The following MMP26 variants were observed in gnomAD, a reference collection of about 807,000 sequenced individuals.
The protein encoded by MMP26 is matrix metalloproteinase-26.
A neutral mutation model predicts 31.0 loss-of-function variants in MMP26; 33 were observed. That is an observed-to-expected ratio of 1.06 (90% CI 0.81 to 1.42). The LOEUF (loss-of-function observed/expected upper bound fraction) is 1.42. MMP26 is among the 40% of genes most tolerant of loss of function. The pLI, the probability that MMP26 is intolerant of heterozygous loss-of-function variation, is 0.00. For synonymous variants in MMP26, 122 were observed against 114.9 expected, an observed-to-expected ratio of 1.06 and a Z score of -0.40; for missense variants, 347 against 316.1, an observed-to-expected ratio of 1.10 and a Z score of -0.74.
chr11:4,774,714 C>G (rs1848768774), intron 2 of MMP26, among the ~76,000 whole-genome samples: 1 of 152,054 alleles, frequency 6.6e-6, no homozygotes, highest in African/African-American at 2.4e-5. Context: ...TGCCTATGTC[C>G]TGAATGGTAT....
intron 1 of MMP26, among the ~76,000 whole-genome samples, chr11:4,706,577 C>CAAAAAA (rs71050423): frequency 9.1e-5 from 8 of 87,544 alleles, no homozygotes; most frequent in South Asian, 4.6e-4. Flanking sequence ...GACCCTATCT[C>CAAAAAA]AAAAAAAAAA....
intron 2 of MMP26, among the ~76,000 whole-genome samples, chr11:4,802,485 G>T (rs1179363219): frequency 6.6e-6 from 1 of 152,094 alleles, no homozygotes; most frequent in Non-Finnish European, 1.5e-5. Context: ...AAGTCCTTGG[G>T]ACTGAGAGGT....
chr11:4,769,712 G>A (rs745967976), intron 2 of MMP26: 2 of 1,612,914 alleles, frequency 1.2e-6, no homozygotes, highest in South Asian at 2.2e-5. Flanking sequence ...ATCAGTGGCT[G>A]ATAGCCTGAA....
chr11:4,902,084 T>C (rs894147275), intron 2 of MMP26, among the ~76,000 whole-genome samples: 9 of 152,336 alleles, frequency 5.9e-5, no homozygotes, highest in Middle Eastern at 3.4e-3. Context: ...ATGACCCTTT[T>C]CGTTACACAC....
At chr11:4,886,119 G>A (rs552915014) in intron 2 of MMP26, among the ~76,000 whole-genome samples, 37 of 151,962 alleles carry the variant, frequency 2.4e-4, no homozygotes, top group Non-Finnish European at 3.2e-4. Flanking sequence ...TAACACTTCC[G>A]TAACCCTTGA....
At chr11:4,916,643 C>T (rs1163167787) in intron 2 of MMP26, among the ~76,000 whole-genome samples, 1 of 152,152 alleles carries the variant, frequency 6.6e-6, no homozygotes, top group Non-Finnish European at 1.5e-5. Flanking sequence ...AGAAGCTTAG[C>T]CTTGTCCAAG....
chr11:4,705,693 T>A (rs10836500), intron 1 of MMP26, among the ~76,000 whole-genome samples: 27,208 of 152,072 alleles, frequency 0.18, 2,678 homozygotes, highest in Middle Eastern at 0.27. Context: ...GAATTTTTTT[T>A]AAAAAGCTAT....
At chr11:4,710,450 C>T (rs566222102) in intron 1 of MMP26, 2 of 456,320 alleles carry the variant, frequency 4.4e-6, no homozygotes, top group African/African-American at 4.0e-5. Flanking sequence ...CCATAATCTA[C>T]AGTGTAAAGA....
intron 1 of MMP26, among the ~76,000 whole-genome samples, chr11:4,760,318 G>C (rs1459777533): frequency 6.6e-6 from 1 of 152,138 alleles, no homozygotes; most frequent in Non-Finnish European, 1.5e-5. Context: ...ATTTAAGATG[G>C]ATCCTTTATT....
intron 2 of MMP26, among the ~76,000 whole-genome samples, chr11:4,899,598 C>T (rs1850771920): frequency 6.6e-6 from 1 of 152,086 alleles, no homozygotes; most frequent in African/African-American, 2.4e-5. Context: ...CAGGATGGTA[C>T]CAAGAGACAA....
At chr11:4,851,187 T>A (rs1252108597) in intron 2 of MMP26, among the ~76,000 whole-genome samples, 1 of 152,214 alleles carries the variant, frequency 6.6e-6, no homozygotes, top group Non-Finnish European at 1.5e-5. Flanking sequence ...TTGCCTAGCA[T>A]TTTGGCAAGG....
At chr11:4,961,845 A>C (rs182393648) in intron 2 of MMP26, among the ~76,000 whole-genome samples, 4 of 152,298 alleles carry the variant, frequency 2.6e-5, no homozygotes, top group African/African-American at 9.6e-5. Context: ...TTCTGACCCA[A>C]ACTCATCTGA....
intron 2 of MMP26, among the ~76,000 whole-genome samples, chr11:4,841,687 C>T (rs1042638787): frequency 2.6e-5 from 4 of 152,184 alleles, no homozygotes; most frequent in African/African-American, 9.7e-5. Context: ...AATCCCAGCA[C>T]TTTGGGAGGC....
At chr11:4,900,811 C>G (rs1296799447) in intron 2 of MMP26, among the ~76,000 whole-genome samples, 2 of 152,152 alleles carry the variant, frequency 1.3e-5, no homozygotes, top group Non-Finnish European at 2.9e-5. Flanking sequence ...AGCCAAGTTA[C>G]CCACCATTAA....
At chr11:4,860,713 GA>G in intron 2 of MMP26, 1 of 317,808 alleles carries the variant, frequency 3.1e-6, no homozygotes, top group Non-Finnish European at 6.2e-6. Flanking sequence ...ACATTTAGAT[GA>G]TATTTGTAAC....
chr11:4,864,100 G>A (rs1850202233), intron 2 of MMP26, among the ~76,000 whole-genome samples: 1 of 152,112 alleles, frequency 6.6e-6, no homozygotes, highest in African/African-American at 2.4e-5. Context: ...ATGAAACAGA[G>A]CTGGAGTCTA....
At chr11:4,836,721 G>A (rs1330018872) in intron 2 of MMP26, among the ~76,000 whole-genome samples, 1 of 136,292 alleles carries the variant, frequency 7.3e-6, no homozygotes, top group East Asian at 2.1e-4. Flanking sequence ...ATGCAGTGGT[G>A]CAATCTCTGC....
rs146829053 is a variant in MMP26 at position 4,848,908 on chromosome 11, G to A, written c.-145+81567G>A. ...ATCTGTAGAAGGCAGGCTGAGGCAG[G>A]GACAGTGTGAGCACCAGCAAGGGCG... On this transcript the variant is annotated intron_variant, in intron 2 of 7. Coordinates refer to ENST00000380390, the MANE Select transcript of MMP26 (RefSeq NM_021801.5). 2,107 of 1,614,124 alleles carry A rather than the reference G, an allele frequency of 1.3e-3. 7 individuals are homozygous for A. Among genetic ancestry groups the A allele is most frequent in the Non-Finnish European group, 1.6e-3 (1,839 of 1,179,990 alleles).
At chr11:4,746,510 C>T (rs754183190) in intron 1 of MMP26, among the ~76,000 whole-genome samples, 3 of 152,016 alleles carry the variant, frequency 2.0e-5, no homozygotes, top group Non-Finnish European at 4.4e-5. Flanking sequence ...TTACAGTAGG[C>T]GCTAAATACA....
Sources: gnomAD v4.1 joint callset for allele counts (sites outside exome capture counted in the v4.1 genomes callset) on GRCh38, gnomAD v4.1.1 for gene constraint, MANE v1.5 for transcripts, NCBI Gene and HGNC (gene_info 2026-07-23, HGNC 2026-07-21) for gene names.